Variants in GADL1 observed in about 807,000 individuals in gnomAD.
The protein encoded by GADL1 is acidic amino acid decarboxylase GADL1.
Under a neutral mutation model 69.5 loss-of-function variants are expected in GADL1, and 71 were observed. The observed-to-expected ratio is 1.02, with a 90% CI of 0.84 to 1.25. The LOEUF is 1.25. Among genes scored for constraint, GADL1 ranks in the 50% most tolerant of loss-of-function variants. The probability of loss-of-function intolerance (pLI) is 0.00; values close to 1 mark genes in which losing one functional copy is unlikely to be tolerated. For synonymous variants in GADL1, 254 were observed against 214.4 expected, an observed-to-expected ratio of 1.18 and a Z score of -1.62; for missense variants, 737 against 631.8, an observed-to-expected ratio of 1.17 and a Z score of -1.79.
At chr3:30,773,536 C>T (rs1696466411) in intron 14 of GADL1, among the ~76,000 whole-genome samples, 1 of 152,150 alleles carries the variant, frequency 6.6e-6, no homozygotes, top group Non-Finnish European at 1.5e-5. Flanking sequence ...TAGTATTTTA[C>T]ATGTACTTAA....
At chr3:30,781,450 T>C (rs1481739405) in intron 13 of GADL1, among the ~76,000 whole-genome samples, 1 of 152,208 alleles carries the variant, frequency 6.6e-6, no homozygotes, top group Non-Finnish European at 1.5e-5. Context: ...CTAGCACTAT[T>C]CTGTTTTAAT....
intron 11 of GADL1, among the ~76,000 whole-genome samples, chr3:30,830,929 C>T (rs1477586302): frequency 2.0e-5 from 3 of 151,836 alleles, no homozygotes; most frequent in Non-Finnish European, 4.4e-5. Context: ...GATTACATGA[C>T]ACCTGCTTCT....
chr3:30,726,740 A>C lies in GADL1; in HGVS notation c.*1502T>G, dbSNP rs1000968218. The C allele has an allele frequency of 1.7e-4, 26 of 152,218 alleles. No individual in the cohort carries two copies. The highest frequency in any genetic ancestry group is 6.3e-4 in the African/African-American group (26 of 41,452). The allele number at this position is 152,218 out of a possible 1,614,324, so 9.4% of individuals were successfully genotyped here. A position where few individuals can be genotyped will look rare whatever the true frequency, so the allele number is the denominator to read the frequency against. ...ATTCACCTTTTAATGCAGACCTTTA[A>C]TTATATTCATAATCTTATCTTGGTG... is the stretch of plus-strand genomic sequence containing the variant. On this transcript the variant is annotated 3_prime_UTR_variant, in exon 15 of 15. Transcript: ENST00000282538.
intron 13 of GADL1, among the ~76,000 whole-genome samples, chr3:30,779,886 G>C (rs999781878): frequency 2.0e-5 from 3 of 152,170 alleles, no homozygotes; most frequent in Non-Finnish European, 4.4e-5. Context: ...GAGGGTGCTG[G>C]AGAGACACTG....
intron 11 of GADL1, among the ~76,000 whole-genome samples, chr3:30,802,525 T>A (rs981909756): frequency 3.9e-5 from 6 of 152,138 alleles, no homozygotes; most frequent in Non-Finnish European, 4.4e-5. Context: ...TCCTAGAAAA[T>A]GTTTCCTTCT....
intron 1 of GADL1, among the ~76,000 whole-genome samples, chr3:30,863,059 T>C (rs1321966568): frequency 6.7e-6 from 1 of 149,812 alleles, no homozygotes; most frequent in Non-Finnish European, 1.5e-5. Flanking sequence ...ACACACTCTC[T>C]CTCACACTCA....
chr3:30,867,004 GACTTCTAGTCCCACTTGATC>G (rs1318420658), intron 1 of GADL1, among the ~76,000 whole-genome samples: 6 of 151,982 alleles, frequency 3.9e-5, no homozygotes, highest in Non-Finnish European at 5.9e-5. Context: ...GAGAAGAGCT[GACTTCTAGTCCCACTTGATC>G]ACTCCCAAGT....
intron 12 of GADL1, among the ~76,000 whole-genome samples, chr3:30,791,521 G>GTATTA (rs1428091805): frequency 1.3e-5 from 2 of 152,158 alleles, no homozygotes; most frequent in African/African-American, 2.4e-5. Flanking sequence ...AAACTTGCAT[G>GTATTA]TATTAACCAT....
At chr3:30,801,406 G>C (rs890057980) in intron 11 of GADL1, among the ~76,000 whole-genome samples, 16 of 151,856 alleles carry the variant, frequency 1.1e-4, no homozygotes, top group Non-Finnish European at 1.6e-4. Flanking sequence ...GAATAAAACT[G>C]TCTATAACTC....
chr3:30,733,526 A>G lies in GADL1; in HGVS notation c.1393-5111T>C, dbSNP rs116577825. Among the ~76,000 whole-genome samples the G allele has an allele frequency of 5.0e-3, 758 of 152,068 alleles. 7 individuals carry two copies. The highest frequency in any genetic ancestry group is 0.017 in the African/African-American group (723 of 41,478). On this transcript the variant is annotated intron_variant, in intron 14 of 14. Transcript: ENST00000282538. The stretch of plus-strand genomic sequence containing the variant: ...TTTGTATCTGGCACCCAAAACTATC[A>G]CTGAGACTTACATACCTCCCTCCCC...
rs578199720 is a variant in GADL1 at position 30,810,391 on chromosome 3, A to G, written c.1051-9303T>C. On this transcript the variant is annotated intron_variant, in intron 11 of 14. Coordinates refer to ENST00000282538, the MANE Select transcript of GADL1 (RefSeq NM_207359.3). ...AAGAAAAGTTACATGATATATATAG[A>G]CAGACAGATACATAGGTAGATATAG... is the stretch of plus-strand genomic sequence containing the variant. Among the ~76,000 whole-genome samples, 83 of 152,250 alleles carry G rather than the reference A, an allele frequency of 5.5e-4. No homozygotes were observed. The Middle Eastern group carries it at 0.017, about 31-fold the overall frequency.
chr3:30,832,950 A>G (rs1697816498), intron 11 of GADL1, among the ~76,000 whole-genome samples: 1 of 152,076 alleles, frequency 6.6e-6, no homozygotes, highest in African/African-American at 2.4e-5. Flanking sequence ...CAGGGCACTA[A>G]CATAAATATC....
chr3:30,886,475 A>G (rs1380426839), intron 1 of GADL1, among the ~76,000 whole-genome samples: 2 of 152,108 alleles, frequency 1.3e-5, no homozygotes, highest in Admixed American at 1.3e-4. Context: ...TGGACACAAC[A>G]AGAGCAAACT....
rs570650878 is a variant in GADL1, at chr3:30,873,387, A to G, written c.38-11622T>C. Among the ~76,000 whole-genome samples the G allele has an allele frequency of 3.9e-5, 6 of 152,060 alleles. No homozygotes were observed. In the South Asian group the frequency reaches 1.2e-3, roughly 31 times the overall value. On this transcript the variant is annotated intron_variant, in intron 1 of 14. Transcript: ENST00000282538. ...AGAAAACTGAAGTTAGAGAAAGAGAATTGCCCAAGTCATATAGCTAGTAAG... is the reference window on the plus strand; with the variant it reads ...AGAAAACTGAAGTTAGAGAAAGAGAGTTGCCCAAGTCATATAGCTAGTAAG...
At chr3:30,776,425 T>C (rs1696537336) in intron 14 of GADL1, among the ~76,000 whole-genome samples, 1 of 152,208 alleles carries the variant, frequency 6.6e-6, no homozygotes, top group Admixed American at 6.5e-5. Flanking sequence ...ATGGGTTACT[T>C]AACATCTGAA....
chr3:30,752,024 C>T (rs892076565), intron 14 of GADL1, among the ~76,000 whole-genome samples: 18 of 152,136 alleles, frequency 1.2e-4, no homozygotes, highest in African/African-American at 2.7e-4. Context: ...AAATTAAACC[C>T]AGTAGGCAGA....
At chr3:30,878,411 G>A (rs1197410190) in intron 1 of GADL1, among the ~76,000 whole-genome samples, 1 of 151,860 alleles carries the variant, frequency 6.6e-6, no homozygotes, top group East Asian at 1.9e-4. Context: ...TAGTCTTTTT[G>A]GCCCATGAGG....
chr3:30,839,473 A>G (rs1697929218), intron 8 of GADL1, among the ~76,000 whole-genome samples: 2 of 141,212 alleles, frequency 1.4e-5, no homozygotes, highest in South Asian at 4.5e-4. Context: ...CTTCCTGAAA[A>G]AATACATTTA....
intron 14 of GADL1, among the ~76,000 whole-genome samples, chr3:30,763,868 T>C (rs1201547283): frequency 6.6e-6 from 1 of 151,914 alleles, no homozygotes; most frequent in East Asian, 1.9e-4. Flanking sequence ...TATCAGAAAA[T>C]ATCACCTTAA....
Sources: allele counts gnomAD v4.1 joint callset (sites outside exome capture counted in the v4.1 genomes callset), GRCh38; gene constraint gnomAD v4.1.1; transcripts MANE v1.5; gene names NCBI Gene and HGNC (gene_info 2026-07-23, HGNC 2026-07-21).